The following STK3 variants were observed in gnomAD, a reference collection of about 807,000 sequenced individuals.
STK3 encodes the protein serine/threonine-protein kinase 3.
Under a neutral mutation model 58.0 loss-of-function variants are expected in STK3, and 41 were observed. That is an observed-to-expected ratio of 0.71 (90% CI 0.55 to 0.92). The LOEUF (loss-of-function observed/expected upper bound fraction) is 0.92, where lower values mean the gene tolerates loss of function less well. Ranked by LOEUF, STK3 falls within the 40% of genes least tolerant of loss-of-function variation. The probability of loss-of-function intolerance (pLI) is 0.00; values close to 1 mark genes in which losing one functional copy is unlikely to be tolerated. For missense variants in STK3, 479 were observed against 602.7 expected, an observed-to-expected ratio of 0.79 and a Z score of 2.15; for synonymous variants, 170 against 191.0, an observed-to-expected ratio of 0.89 and a Z score of 0.91.
intron 4 of STK3, among the ~76,000 whole-genome samples, chr8:98,712,622 A>G (rs1255852707): frequency 1.3e-5 from 2 of 152,018 alleles, no homozygotes; most frequent in African/African-American, 4.8e-5. Flanking sequence ...AGGAGCACCC[A>G]GATTCATAAA....
intron 10 of STK3, among the ~76,000 whole-genome samples, chr8:98,472,853 A>G (rs1240651985): frequency 3.3e-5 from 5 of 152,158 alleles, no homozygotes; most frequent in African/African-American, 1.2e-4. Flanking sequence ...AAACCCACAT[A>G]ACAAAATAAA....
At chr8:98,712,285 T>A (rs369431080) in intron 4 of STK3, among the ~76,000 whole-genome samples, 1 of 152,078 alleles carries the variant, frequency 6.6e-6, no homozygotes, top group African/African-American at 2.4e-5. Flanking sequence ...CATAACAATA[T>A]TAACCTTAAA....
At chr8:98,905,456 A>G (rs1337644479) in intron 1 of STK3, 18 of 1,285,518 alleles carry the variant, frequency 1.4e-5, no homozygotes, top group Non-Finnish European at 1.7e-5. Context: ...CTTTGCTCTT[A>G]TTCTTGCTGG....
chr8:98,387,310 T>C (rs1002139389), intron 1 of STK3, among the ~76,000 whole-genome samples: 1 of 152,206 alleles, frequency 6.6e-6, no homozygotes, highest in Non-Finnish European at 1.5e-5. Flanking sequence ...CCAAGGATTT[T>C]CAGAATAAGA....
intron 3 of STK3, among the ~76,000 whole-genome samples, chr8:98,426,181 A>G (rs1207274452): frequency 1.3e-5 from 2 of 152,094 alleles, no homozygotes; most frequent in Admixed American, 6.5e-5. Context: ...CATATTCCAC[A>G]CACATGAGCC....
intron 8 of STK3, among the ~76,000 whole-genome samples, chr8:98,573,772 A>C (rs1408926805): frequency 1.3e-5 from 2 of 152,150 alleles, no homozygotes; most frequent in African/African-American, 4.8e-5. Flanking sequence ...GTATTAGTCC[A>C]TTCTCACGCT....
rs189975491 is a variant in STK3 at position 98,799,206 on chromosome 8, T to C, written c.27-24387A>G. Among the ~76,000 whole-genome samples, 6 of 152,240 alleles carry C rather than the reference T, an allele frequency of 3.9e-5. No individual in the cohort carries two copies. The East Asian group carries it at 1.2e-3, about 29-fold the overall frequency. ...CAATGGAAATATACTGAATCAAAGA[T>C]AAAAGCAATCATTTTTAAACATTAG... On this transcript the variant is annotated intron_variant, in intron 1 of 10. Coordinates refer to ENST00000419617, the MANE Select transcript of STK3 (RefSeq NM_006281.4).
chr8:98,614,663 G>T lies in STK3; in HGVS notation c.685-18494C>A, dbSNP rs1025399828. ...CTCACCTGGGAAGCGCAAGGGGTCA[G>T]GGAGTTCCCTTTCCGAGTCAAAGAA... On this transcript the variant is annotated intron_variant, in intron 6 of 10. Transcript: ENST00000419617. Among the ~76,000 whole-genome samples the T allele has an allele frequency of 2.0e-4, 30 of 152,342 alleles. 1 individual carries two copies. The highest frequency in any genetic ancestry group is 7.0e-4 in the African/African-American group (29 of 41,588).
chr8:98,420,987 C>T lies in STK3; in HGVS notation n.483+13140G>A, dbSNP rs377679814. 9.8e-5 allele frequency among the ~76,000 whole-genome samples: 15 copies of T among 152,334 alleles called. 1 individual carries two copies. The highest frequency in any genetic ancestry group is 3.6e-4 in the African/African-American group (15 of 41,580). On this transcript the variant is annotated intron_variant and non_coding_transcript_variant, in intron 3 of 3. Transcript: ENST00000517832. ...TCACCCAAGGATTCATGGCTAAGGG[C>T]AGGACTGGGACAGCTAGCTTCATGG...
At chr8:98,899,505 T>G (rs1440805008) in intron 1 of STK3, among the ~76,000 whole-genome samples, 1 of 152,146 alleles carries the variant, frequency 6.6e-6, no homozygotes, top group Non-Finnish European at 1.5e-5. Flanking sequence ...TTATATAGCA[T>G]TTATAGTGTA....
intron 8 of STK3, among the ~76,000 whole-genome samples, chr8:98,572,106 C>T (rs1442670433): frequency 6.6e-6 from 1 of 152,196 alleles, no homozygotes; most frequent in African/African-American, 2.4e-5. Context: ...TTTAAAAACT[C>T]ATTCAAGTAC....
chr8:98,549,629 T>C (rs1349033950), intron 8 of STK3, among the ~76,000 whole-genome samples: 3 of 152,184 alleles, frequency 2.0e-5, no homozygotes, highest in African/African-American at 7.2e-5. Context: ...ATCTCAGCTT[T>C]TAAATGTTTC....
intron 10 of STK3, among the ~76,000 whole-genome samples, chr8:98,500,240 T>C (rs949851153): frequency 6.6e-6 from 1 of 151,774 alleles, no homozygotes; most frequent in African/African-American, 2.4e-5. Context: ...GCTTTGAAAA[T>C]GGAAAAAGAA....
At chr8:98,582,356 G>GT (rs1259951572) in intron 7 of STK3, among the ~76,000 whole-genome samples, 1 of 151,444 alleles carries the variant, frequency 6.6e-6, no homozygotes, top group Non-Finnish European at 1.5e-5. Context: ...TTTAGTTTCC[G>GT]TTTTTTGCCA....
At chr8:98,439,366 C>T (rs1818610421) in intron 1 of STK3, 1 of 152,218 alleles carries the variant, frequency 6.6e-6, no homozygotes, top group Non-Finnish European at 1.5e-5. Context: ...AGGGCACCGA[C>T]ATCCTTAGCA....
intron 1 of STK3, among the ~76,000 whole-genome samples, chr8:98,780,286 A>C (rs1428944266): frequency 6.6e-6 from 1 of 152,066 alleles, no homozygotes; most frequent in African/African-American, 2.4e-5. Flanking sequence ...TCTTTCCCAC[A>C]GTTCCATCAA....
At chr8:98,373,494 T>C (rs1213167092) in intron 2 of STK3, among the ~76,000 whole-genome samples, 2 of 152,188 alleles carry the variant, frequency 1.3e-5, no homozygotes, top group Admixed American at 1.3e-4. Context: ...AGCTAAATGT[T>C]CTTACTGGAT....
intron 6 of STK3, among the ~76,000 whole-genome samples, chr8:98,627,843 AT>A (rs1260584951): frequency 1.3e-5 from 2 of 152,246 alleles, no homozygotes; most frequent in Admixed American, 1.3e-4. Context: ...TCTTTGGTGC[AT>A]TTTGAATTAA....
At chr8:98,405,876 C>T (rs543041289) in intron 3 of STK3, among the ~76,000 whole-genome samples, 5 of 152,250 alleles carry the variant, frequency 3.3e-5, no homozygotes, top group East Asian at 3.9e-4. Context: ...TTCACTCTCA[C>T]GGGAACAGCA....
Sources: allele counts gnomAD v4.1 joint callset (sites outside exome capture counted in the v4.1 genomes callset), GRCh38; gene constraint gnomAD v4.1.1; transcripts MANE v1.5; gene names NCBI Gene and HGNC (gene_info 2026-07-23, HGNC 2026-07-21).